Variants in CADPS observed in about 807,000 individuals in gnomAD.
CADPS encodes the protein calcium-dependent secretion activator 1.
In CADPS, 57 loss-of-function variants were observed where a neutral mutation model predicts 167.3. The ratio of observed to expected loss-of-function variants is 0.34; its 90% confidence interval spans 0.28 to 0.42. CADPS has a LOEUF of 0.42. Among genes scored for constraint, CADPS ranks in the 20% least tolerant of loss-of-function variants. The pLI, the probability that CADPS is intolerant of heterozygous loss-of-function variation, is 1.00. For synonymous variants in CADPS, 676 were observed against 635.3 expected, an observed-to-expected ratio of 1.06 and a Z score of -0.96; for missense variants, 1,414 against 1,738.1, an observed-to-expected ratio of 0.81 and a Z score of 3.32.
intron 1 of CADPS, among the ~76,000 whole-genome samples, chr3:62,795,597 C>T (rs2093350112): frequency 6.6e-6 from 1 of 150,878 alleles, no homozygotes; most frequent in Non-Finnish European, 1.5e-5. Context: ...CTTCATAGGC[C>T]CTCATTCATT....
At chr3:62,542,417 C>T (rs2075830663) in intron 11 of CADPS, among the ~76,000 whole-genome samples, 1 of 152,080 alleles carries the variant, frequency 6.6e-6, no homozygotes, top group African/African-American at 2.4e-5. Flanking sequence ...TCAGCCTCAT[C>T]AGAAGACATG....
intron 3 of CADPS, among the ~76,000 whole-genome samples, chr3:62,715,856 A>ACACCATTCTCC (rs71123292): frequency 7.2e-6 from 1 of 138,462 alleles, no homozygotes; most frequent in East Asian, 2.2e-4. Flanking sequence ...TCCCGGGTTC[A>ACACCATTCTCC]TGCCTCAGCC....
intron 24 of CADPS, chr3:62,467,403 TAAATA>T (rs1437386476): frequency 9.2e-6 from 6 of 655,172 alleles, no homozygotes; most frequent in Non-Finnish European, 1.3e-5. Flanking sequence ...AAATAAAAAT[TAAATA>T]AAATATTCAA....
At chr3:62,763,388 G>C (rs531414929) in intron 2 of CADPS, among the ~76,000 whole-genome samples, 2 of 152,202 alleles carry the variant, frequency 1.3e-5, no homozygotes, top group African/African-American at 4.8e-5. Flanking sequence ...GTCGAGAGGT[G>C]GGGGGAAGAT....
intron 7 of CADPS, among the ~76,000 whole-genome samples, chr3:62,591,577 G>A (rs1184495779): frequency 2.0e-5 from 3 of 152,128 alleles, no homozygotes; most frequent in African/African-American, 7.2e-5. Context: ...GGGTGAAGAG[G>A]TGAGCAGAAG....
intron 17 of CADPS, among the ~76,000 whole-genome samples, chr3:62,511,240 T>C (rs2067755751): frequency 6.6e-6 from 1 of 152,312 alleles, no homozygotes; most frequent in Non-Finnish European, 1.5e-5. Flanking sequence ...AGAAAGACCT[T>C]TGAAGTCCTG....
chr3:62,624,564 T>C (rs969018404), intron 6 of CADPS, among the ~76,000 whole-genome samples: 2 of 152,018 alleles, frequency 1.3e-5, no homozygotes, highest in Admixed American at 1.3e-4. Context: ...AAAAAATCTC[T>C]GGTTAAGAGA....
intron 13 of CADPS, among the ~76,000 whole-genome samples, chr3:62,523,644 T>C (rs1192219478): frequency 2.0e-5 from 3 of 152,212 alleles, no homozygotes; most frequent in African/African-American, 7.2e-5. Context: ...TTGCATCTAT[T>C]TGGTGATTAA....
At chr3:62,561,411 CCTGG>C (rs2079131066) in intron 9 of CADPS, among the ~76,000 whole-genome samples, 1 of 151,554 alleles carries the variant, frequency 6.6e-6, no homozygotes, top group Non-Finnish European at 1.5e-5. Flanking sequence ...TACCACCATG[CCTGG>C]CTATTTTTTT....
At chr3:62,450,492 G>A (rs1417724588) in intron 26 of CADPS, among the ~76,000 whole-genome samples, 2 of 152,188 alleles carry the variant, frequency 1.3e-5, no homozygotes, top group Admixed American at 6.5e-5. Flanking sequence ...CTCAAAGGGA[G>A]GCAAGAACTG....
intron 3 of CADPS, among the ~76,000 whole-genome samples, chr3:62,737,094 C>T (rs549078594): frequency 2.6e-5 from 4 of 151,886 alleles, no homozygotes; most frequent in Admixed American, 6.6e-5. Flanking sequence ...GCCAAGATCA[C>T]GCCACTGCAC....
chr3:62,692,742 C>T (rs143616701), intron 3 of CADPS, among the ~76,000 whole-genome samples: 1 of 152,166 alleles, frequency 6.6e-6, no homozygotes, highest in African/African-American at 2.4e-5. Flanking sequence ...TCCTGTAATA[C>T]ACAGCCCAAA....
chr3:62,655,565 T>C (rs1322758115), intron 4 of CADPS, among the ~76,000 whole-genome samples: 1 of 152,124 alleles, frequency 6.6e-6, no homozygotes, highest in Non-Finnish European at 1.5e-5. Context: ...CATTTGAAAG[T>C]TCTAATGCCT....
intron 6 of CADPS, among the ~76,000 whole-genome samples, chr3:62,617,182 G>T (rs2062449353): frequency 6.6e-6 from 1 of 152,032 alleles, no homozygotes; most frequent in Admixed American, 6.6e-5. Context: ...TAAACAGTTT[G>T]GTATAGTTCA....
chr3:62,828,387 G>T (rs1466131686), intron 1 of CADPS, among the ~76,000 whole-genome samples: 1 of 152,134 alleles, frequency 6.6e-6, no homozygotes, highest in African/African-American at 2.4e-5. Context: ...AATCATCAGA[G>T]AAATTCTTTT....
chr3:62,710,790 T>C (rs771416268), intron 3 of CADPS, among the ~76,000 whole-genome samples: 5 of 152,182 alleles, frequency 3.3e-5, no homozygotes, highest in Admixed American at 1.3e-4. Context: ...GAATAGGAAA[T>C]AGTAAGATTA....
chr3:62,781,458 A>C (rs1001219072), intron 1 of CADPS, among the ~76,000 whole-genome samples: 6 of 152,182 alleles, frequency 3.9e-5, no homozygotes, highest in Non-Finnish European at 8.8e-5. Context: ...AGAGAAGAGT[A>C]GATACGCTGA....
At chr3:62,741,291 T>G (rs1234549044) in intron 3 of CADPS, among the ~76,000 whole-genome samples, 1 of 152,120 alleles carries the variant, frequency 6.6e-6, no homozygotes, top group Admixed American at 6.6e-5. Context: ...AGCATCATCT[T>G]GACACCAAAA....
chr3:62,505,509 T>C (rs1301313915), intron 17 of CADPS, among the ~76,000 whole-genome samples: 1 of 152,206 alleles, frequency 6.6e-6, no homozygotes, highest in Admixed American at 6.5e-5. Flanking sequence ...GGTCTCATCA[T>C]TTCCACCTCA....
Sources: allele counts gnomAD v4.1 joint callset (sites outside exome capture counted in the v4.1 genomes callset), GRCh38; gene constraint gnomAD v4.1.1; transcripts MANE v1.5; gene names NCBI Gene and HGNC (gene_info 2026-07-23, HGNC 2026-07-21).